HIPK2: variants seen among roughly 807,000 people sequenced by gnomAD.
HIPK2 encodes homeodomain interacting protein kinase 2.
HIPK2 carries 27 observed loss-of-function variants against 113.7 expected under a neutral mutation model. That is an observed-to-expected ratio of 0.24 (90% CI 0.17 to 0.33). HIPK2 has a LOEUF of 0.33. HIPK2 is among the 10% of genes least tolerant of loss of function. The pLI is 1.00. For synonymous variants in HIPK2, 631 were observed against 642.2 expected, an observed-to-expected ratio of 0.98 and a Z score of 0.26; for missense variants, 1,257 against 1,588.0, an observed-to-expected ratio of 0.79 and a Z score of 3.54.
Position 139,703,932 on chromosome 7 carries a change from CCCACACTATATCCAACATACACA to C in HIPK2, c.1103+11977_1103+11999del, listed in dbSNP as rs1794794682. The stretch of plus-strand genomic sequence containing the variant: ...ACCCAACACATACAACCCCTCCACA[CCCACACTATATCCAACATACACA>C]CCCCCAACACACACCACACACACAA... On this transcript the variant is annotated intron_variant, in intron 2 of 14. Coordinates refer to ENST00000406875, the MANE Select transcript of HIPK2 (RefSeq NM_022740.5). Among the ~76,000 whole-genome samples the C allele has an allele frequency of 4.4e-5, 6 of 136,670 alleles. No individual in the cohort carries two copies. The South Asian group carries it at 1.0e-3, about 23-fold the overall frequency. The allele number at this position is 136,670 out of a possible 152,430, so 89.7% of individuals were successfully genotyped here. A position where few individuals can be genotyped will look rare whatever the true frequency, so the allele number is the denominator to read the frequency against.
At position 139,691,010 on chromosome 7, in the gene HIPK2, G is replaced by A. The variant is rs186500258; in HGVS notation, c.1103+24922C>T. ...AAATGCTCACCTTTAGCATCTGGCC[G>A]AGAGCCTTAAGCCTCCAATGTATTT... On this transcript the variant is annotated intron_variant, in intron 2 of 14. Coordinates refer to ENST00000406875, the MANE Select transcript of HIPK2 (RefSeq NM_022740.5). Among the ~76,000 whole-genome samples the A allele has an allele frequency of 7.2e-5, 11 of 152,332 alleles. No homozygotes were observed. The East Asian group carries it at 1.7e-3, about 24-fold the overall frequency.
At chr7:139,674,325 T>C (rs1802416559) in intron 2 of HIPK2, among the ~76,000 whole-genome samples, 1 of 152,208 alleles carries the variant, frequency 6.6e-6, no homozygotes, top group South Asian at 2.1e-4. Context: ...TTTTAATTCT[T>C]TTCCATTATT....
intron 12 of HIPK2, among the ~76,000 whole-genome samples, chr7:139,593,792 C>T (rs1250259253): frequency 6.6e-6 from 1 of 152,196 alleles, no homozygotes; most frequent in African/African-American, 2.4e-5. Flanking sequence ...GGCTCGAGAA[C>T]AAGGATGATC....
At chr7:139,737,324 T>A (rs1338925673) in intron 1 of HIPK2, among the ~76,000 whole-genome samples, 1 of 152,134 alleles carries the variant, frequency 6.6e-6, no homozygotes, top group Non-Finnish European at 1.5e-5. Flanking sequence ...GTTTCCCAGC[T>A]TTTACACCCA....
intron 2 of HIPK2, among the ~76,000 whole-genome samples, chr7:139,661,898 A>C (rs754382444): frequency 1.3e-5 from 2 of 152,160 alleles, no homozygotes; most frequent in Non-Finnish European, 2.9e-5. Flanking sequence ...TCATCCTTAC[A>C]TAACTATCTC....
At chr7:139,670,425 A>T (rs926237532) in intron 2 of HIPK2, among the ~76,000 whole-genome samples, 1 of 43,804 alleles carries the variant, frequency 2.3e-5, no homozygotes, top group Non-Finnish European at 3.9e-5. Context: ...CTCTACAAAA[A>T]ATCAGTTAAA....
At position 139,572,236 on chromosome 7, in the gene HIPK2, T is replaced by C. The variant is rs1268223077; in HGVS notation, c.*691A>G. 2 of 152,232 alleles carry C rather than the reference T, an allele frequency of 1.3e-5. No individual in the cohort carries two copies. Among genetic ancestry groups the C allele is most frequent in the Non-Finnish European group, 2.9e-5 (2 of 68,042 alleles). The allele number at this position is 152,232 out of a possible 1,614,324, so 9.4% of individuals were successfully genotyped here. On this transcript the variant is annotated 3_prime_UTR_variant, in exon 15 of 15. Transcript: ENST00000406875. ...AACTCGCCCCGCGCCCCCGGGGGCC[T>C]TCCAGCAGCCTGGCCGTCCCCCGTC...
intron 2 of HIPK2, among the ~76,000 whole-genome samples, chr7:139,640,549 G>A (rs1800975698): frequency 6.6e-6 from 1 of 152,194 alleles, no homozygotes; most frequent in South Asian, 2.1e-4. Flanking sequence ...CCTTGCAGAG[G>A]CCTGGCATAG....
intron 12 of HIPK2, 91 bp from the exon 13 acceptor site, chr7:139,584,155 G>T: frequency 6.7e-7 from 1 of 1,497,886 alleles, no homozygotes; most frequent in South Asian, 1.3e-5. Context: ...AGGGGAGGGA[G>T]GCAGAGGGGA....
At chr7:139,656,500 C>T (rs113990137) in intron 2 of HIPK2, among the ~76,000 whole-genome samples, 6 of 152,200 alleles carry the variant, frequency 3.9e-5, no homozygotes, top group Middle Eastern at 3.2e-3. Flanking sequence ...GGCCTGGGCC[C>T]GATAACTGAA....
chr7:139,629,252 G>A (rs1235653983), intron 4 of HIPK2, among the ~76,000 whole-genome samples: 1 of 152,166 alleles, frequency 6.6e-6, no homozygotes, highest in African/African-American at 2.4e-5. Flanking sequence ...GTCAGGGGCT[G>A]GCTCCGGGTC....
intron 2 of HIPK2, among the ~76,000 whole-genome samples, chr7:139,681,368 A>T (rs544552758): frequency 6.6e-6 from 1 of 152,298 alleles, no homozygotes; most frequent in Admixed American, 6.5e-5. Context: ...AGGTCCTTCT[A>T]AATGGTCTTT....
intron 1 of HIPK2, among the ~76,000 whole-genome samples, chr7:139,719,724 G>C (rs1246689659): frequency 6.6e-6 from 1 of 152,150 alleles, no homozygotes; most frequent in African/African-American, 2.4e-5. Context: ...TACATTCATA[G>C]ACAAGAAGGT....
intron 8 of HIPK2, among the ~76,000 whole-genome samples, 168 bp downstream of exon 8, chr7:139,614,118 C>T (rs187242936): frequency 4.6e-5 from 7 of 152,244 alleles, no homozygotes; most frequent in Admixed American, 4.6e-4. Context: ...TCTAGGTTGG[C>T]CACAGTAGGA....
intron 2 of HIPK2, among the ~76,000 whole-genome samples, chr7:139,701,864 T>A: frequency 6.6e-6 from 1 of 152,166 alleles, no homozygotes; most frequent in East Asian, 1.9e-4. Context: ...AGGCACCTTA[T>A]GCCAAAGGCA....
At chr7:139,632,560 A>C (rs1359762293) in intron 2 of HIPK2, among the ~76,000 whole-genome samples, 1 of 152,218 alleles carries the variant, frequency 6.6e-6, no homozygotes, top group Admixed American at 6.5e-5. Flanking sequence ...ATTCCAGCGT[A>C]AACTCCATGA....
At chr7:139,650,780 A>C (rs1801430411) in intron 2 of HIPK2, among the ~76,000 whole-genome samples, 1 of 152,258 alleles carries the variant, frequency 6.6e-6, no homozygotes, top group Non-Finnish European at 1.5e-5. Context: ...GGAGAGATCC[A>C]CGTGGATGGA....
At position 139,754,212 on chromosome 7, in the gene HIPK2, C is replaced by T. The variant is rs190387733; in HGVS notation, c.19+23393G>A. Reference sequence around the variant, plus strand: ...GGAGATACTGCACCTCAGGCCTTGCCCTTTAATTTCAGAGCCATTTTAAGC... The same window carrying T: ...GGAGATACTGCACCTCAGGCCTTGCTCTTTAATTTCAGAGCCATTTTAAGC... On this transcript the variant is annotated intron_variant, in intron 1 of 14. Coordinates refer to ENST00000406875, the MANE Select transcript of HIPK2 (RefSeq NM_022740.5). Among the ~76,000 whole-genome samples, 365 of 152,318 alleles carry T rather than the reference C, an allele frequency of 2.4e-3. 2 individuals carry two copies. The highest frequency in any genetic ancestry group is 4.4e-3 in the Non-Finnish European group (299 of 68,028).
intron 2 of HIPK2, among the ~76,000 whole-genome samples, chr7:139,636,139 G>A (rs139578163): frequency 1.3e-5 from 2 of 152,234 alleles, no homozygotes; most frequent in East Asian, 3.9e-4. Flanking sequence ...TTAGCTCTGT[G>A]ACCTGGGAGC....
Sources: gnomAD v4.1 joint callset for allele counts (sites outside exome capture counted in the v4.1 genomes callset) on GRCh38, gnomAD v4.1.1 for gene constraint, MANE v1.5 for transcripts, NCBI Gene and HGNC (gene_info 2026-07-23, HGNC 2026-07-21) for gene names.